The following DGKZ variants were observed in gnomAD, a reference collection of about 807,000 sequenced individuals.
DGKZ encodes diacylglycerol kinase zeta.
Under a neutral mutation model 142.5 loss-of-function variants are expected in DGKZ, and 45 were observed. That is an observed-to-expected ratio of 0.32 (90% CI 0.25 to 0.40). DGKZ has a LOEUF of 0.40. Among genes scored for constraint, DGKZ ranks in the 10% least tolerant of loss-of-function variants. The pLI, the probability that DGKZ is intolerant of heterozygous loss-of-function variation, is 1.00. For missense variants in DGKZ, 755 were observed against 1,306.5 expected (o/e 0.58, Z 6.51); for synonymous variants, 442 against 527.0 (o/e 0.84, Z 2.21).
intron 1 of DGKZ, chr11:46,364,781 G>T (rs528090967): frequency 2.5e-4 from 247 of 985,294 alleles, no homozygotes; most frequent in Non-Finnish European, 2.7e-4. Context: ...CCCAACATGC[G>T]TCCAGGGCAT....
At chr11:46,336,287 C>T (rs1054345193) in intron 1 of DGKZ, among the ~76,000 whole-genome samples, 6 of 151,736 alleles carry the variant, frequency 4.0e-5, no homozygotes, top group South Asian at 2.1e-4. Context: ...GGAGAGATGG[C>T]GGGTGTGTGC....
intron 26 of DGKZ, 70 bp from the exon 27 acceptor site, chr11:46,378,387 C>G (rs902402808): frequency 6.4e-7 from 1 of 1,555,862 alleles, no homozygotes; most frequent in Admixed American, 1.8e-5. Context: ...CCGGCACAGT[C>G]CTGTCCACTG....
chr11:46,342,578 G>A (rs778369299), upstream of DGKZ, among the ~76,000 whole-genome samples: 2 of 152,206 alleles, frequency 1.3e-5, no homozygotes, highest in African/African-American at 2.4e-5. Flanking sequence ...CACAGTCTCC[G>A]ATGAGGCCAC....
chr11:46,368,198 G>A (rs755873914), intron 4 of DGKZ, 119 bp downstream of exon 4: 6 of 1,086,666 alleles, frequency 5.5e-6, no homozygotes. Flanking sequence ...GCACTCGGGG[G>A]TGAAGAGTCA....
chr11:46,363,285 G>A (rs553060354), intron 1 of DGKZ, among the ~76,000 whole-genome samples: 22 of 152,304 alleles, frequency 1.4e-4, no homozygotes, highest in South Asian at 8.3e-4. Context: ...TCAGGCCTGC[G>A]GGGAGGGGCA....
rs1943940879 is a variant in DGKZ, at chr11:46,371,478, TCTC to T, written c.643-5_643-3del. On this transcript the variant is annotated splice_polypyrimidine_tract_variant and splice_region_variant and intron_variant, in intron 7 of 30. Coordinates refer to ENST00000527911, the Ensembl canonical transcript of DGKZ. ...GGTCCCGCTGAGCCCGGCCCCTCGC[TCTC>T]CTCAGTACCACAGCAAGGTGTCCTG... The T allele has an allele frequency of 6.2e-7, 1 of 1,600,872 alleles. No individual in the cohort carries two copies. Among genetic ancestry groups the T allele is most frequent in the Non-Finnish European group, 8.5e-7 (1 of 1,172,712 alleles).
At chr11:46,363,219 C>T (rs1404009386) in intron 1 of DGKZ, among the ~76,000 whole-genome samples, 1 of 152,216 alleles carries the variant, frequency 6.6e-6, no homozygotes, top group East Asian at 1.9e-4. Context: ...AGTGAGGAGT[C>T]AGGCTCTTGC....
intron 1 of DGKZ, among the ~76,000 whole-genome samples, chr11:46,354,611 G>A (rs1339260558): frequency 3.3e-5 from 5 of 152,198 alleles, no homozygotes; most frequent in African/African-American, 1.2e-4. Flanking sequence ...TTGGAGCTTA[G>A]CATTAGGCCA....
intron 6 of DGKZ, 144 bp downstream of exon 6, chr11:46,370,153 A>C (rs1210893116): frequency 3.1e-6 from 3 of 970,632 alleles, no homozygotes; most frequent in African/African-American, 3.2e-5. Flanking sequence ...CAGTGCCTTC[A>C]GTTCTCAAGC....
At chr11:46,379,716 C>CA in intron 30 of DGKZ, 115 bp from the exon 31 acceptor site, 1 of 1,290,610 alleles carries the variant, frequency 7.7e-7, no homozygotes, top group Non-Finnish European at 1.1e-6. Context: ...AGCTGGTGGG[C>CA]AGAGAGGCCT....
chr11:46,366,208 C>T, intron 1 of DGKZ: 2 of 1,518,062 alleles, frequency 1.3e-6, no homozygotes, highest in Non-Finnish European at 8.7e-7. Context: ...GTGGCCTGAT[C>T]CAGCTCCTGA....
chr11:46,348,294 C>T (rs1226203002), intron 1 of DGKZ, among the ~76,000 whole-genome samples: 1 of 152,208 alleles, frequency 6.6e-6, no homozygotes, highest in Non-Finnish European at 1.5e-5. Flanking sequence ...GGTTGCCTAC[C>T]ATCACTGCGT....
At chr11:46,377,366 T>C (rs34406563) in intron 25 of DGKZ, 154 bp downstream of exon 25, 268,472 of 1,368,940 alleles carry the variant, frequency 0.2, 30,761 homozygotes, top group African/African-American at 0.51. Context: ...TTCAGCCCTG[T>C]GGTTCTGTGG....
At position 46,367,956 on chromosome 11, in the gene DGKZ, A is replaced by T. The variant is rs1277404685; in HGVS notation, c.367-46A>T. ...TGTGCTGGGGCAGGCAGCCTCCGAG[A>T]TAGACTTACCTGGTGCCTCAGGGGC... is the stretch of plus-strand genomic sequence containing the variant. On this transcript the variant is annotated intron_variant, in intron 3 of 30. Transcript: ENST00000527911. The surrounding 1 kb of genome is among the most constrained non-coding windows in gnomAD (Gnocchi z 4.1). 6 of 1,607,136 alleles carry T rather than the reference A, an allele frequency of 3.7e-6. No homozygotes were observed. Among genetic ancestry groups the T allele is most frequent in the Non-Finnish European group, 4.3e-6 (5 of 1,174,046 alleles).
At chr11:46,371,254 G>C in intron 6 of DGKZ, 59 bp from the exon 7 acceptor site, 1 of 1,533,106 alleles carries the variant, frequency 6.5e-7, no homozygotes, top group Non-Finnish European at 9.0e-7. Flanking sequence ...CACCAGGAGA[G>C]GGGCTGGGTC....
At chr11:46,337,910 T>C (rs1475084442) in intron 1 of DGKZ, among the ~76,000 whole-genome samples, 1 of 152,192 alleles carries the variant, frequency 6.6e-6, no homozygotes, top group African/African-American at 2.4e-5. Flanking sequence ...AACCAGTGCC[T>C]GTACCTGGTG....
intron 1 of DGKZ, among the ~76,000 whole-genome samples, chr11:46,335,266 A>G (rs1290127630): frequency 6.6e-6 from 1 of 151,828 alleles, no homozygotes; most frequent in Non-Finnish European, 1.5e-5. Context: ...GTGAGCAGAG[A>G]TGGCGCCACT....
At chr11:46,333,429 G>A (rs1202553323) in exon 1 of DGKZ, 2 of 1,527,820 alleles carry the variant, frequency 1.3e-6, no homozygotes, top group South Asian at 2.4e-5. Flanking sequence ...CACGGCCGCT[G>A]GGCCCCCGGT....
At chr11:46,374,272 C>T (rs752634362) in intron 15 of DGKZ, 37 bp downstream of exon 15, 16 of 1,612,738 alleles carry the variant, frequency 9.9e-6, no homozygotes, top group Non-Finnish European at 1.3e-5. Flanking sequence ...GCAGGGTGGG[C>T]ACAGGAGTGT....
Sources: gnomAD v4.1 joint callset for allele counts (sites outside exome capture counted in the v4.1 genomes callset) on GRCh38, gnomAD v4.1.1 for gene constraint, Gnocchi (gnomAD v3.1) non-coding constraint, MANE v1.5 for transcripts, NCBI Gene and HGNC (gene_info 2026-07-23, HGNC 2026-07-21) for gene names.